Variants in ANKIB1 observed in about 807,000 individuals in gnomAD.
ANKIB1 encodes ankyrin repeat and IBR domain-containing protein 1.
Under a neutral mutation model 122.1 loss-of-function variants are expected in ANKIB1, and 43 were observed. That is an observed-to-expected ratio of 0.35 (90% CI 0.28 to 0.45). ANKIB1 has a LOEUF of 0.45. ANKIB1 is among the 20% of genes least tolerant of loss of function. ANKIB1 has a pLI of 1.00. For missense variants in ANKIB1, 992 were observed against 1,329.5 expected, an observed-to-expected ratio of 0.75 and a Z score of 3.95; for synonymous variants, 390 against 442.0, an observed-to-expected ratio of 0.88 and a Z score of 1.48.
intron 10 of ANKIB1, among the ~76,000 whole-genome samples, chr7:92,371,268 C>T (rs575466767): frequency 6.6e-6 from 1 of 151,730 alleles, no homozygotes; most frequent in South Asian, 2.1e-4. Flanking sequence ...AACCAGGTTT[C>T]ACGAATAGGT....
chr7:92,380,506 C>A (rs1354447632), intron 11 of ANKIB1, among the ~76,000 whole-genome samples: 2 of 152,184 alleles, frequency 1.3e-5, no homozygotes, highest in Non-Finnish European at 2.9e-5. Flanking sequence ...CCTCATACAG[C>A]CAGGTGCCCC....
intron 9 of ANKIB1, among the ~76,000 whole-genome samples, chr7:92,356,166 C>T (rs1173575794): frequency 6.6e-6 from 1 of 152,074 alleles, no homozygotes; most frequent in Non-Finnish European, 1.5e-5. Context: ...TTATTCAGAG[C>T]AGTAGTTGCA....
At chr7:92,290,899 G>A (rs1802231561) in intron 1 of ANKIB1, among the ~76,000 whole-genome samples, 1 of 152,150 alleles carries the variant, frequency 6.6e-6, no homozygotes, top group Admixed American at 6.5e-5. Context: ...AAGGGGAACT[G>A]GGGATGGTTG....
chr7:92,387,795 T>C lies in ANKIB1; in HGVS notation c.1753-3T>C. ...AAGTCATTTGTGGACTTTTGTTTTC[T>C]AGGCTGAGAAAAAACACAAACGATT... On this transcript the variant is annotated splice_region_variant and splice_polypyrimidine_tract_variant and intron_variant, in intron 12 of 19. Transcript: ENST00000265742. 1.9e-6 allele frequency: 3 copies of C among 1,606,114 alleles called. No homozygotes were observed. The highest frequency in any genetic ancestry group is 2.5e-6 in the Non-Finnish European group (3 of 1,177,788).
chr7:92,340,376 C>G (rs1370242903), intron 5 of ANKIB1, among the ~76,000 whole-genome samples: 3 of 152,042 alleles, frequency 2.0e-5, no homozygotes, highest in African/African-American at 7.2e-5. Flanking sequence ...CAAATCTAGA[C>G]AAATAGACCA....
At chr7:92,388,330 G>A (rs916237095) in intron 14 of ANKIB1, among the ~76,000 whole-genome samples, 2 of 152,190 alleles carry the variant, frequency 1.3e-5, no homozygotes, top group Non-Finnish European at 2.9e-5. Context: ...TACAATGTTG[G>A]GAAAAGTGGA....
chr7:92,333,493 A>G (rs1240737583), intron 5 of ANKIB1, among the ~76,000 whole-genome samples: 1 of 151,956 alleles, frequency 6.6e-6, no homozygotes, highest in African/African-American at 2.4e-5. Flanking sequence ...TGTCCACTCC[A>G]TGCCATTTCC....
At chr7:92,305,856 G>C (rs1328316587) in intron 2 of ANKIB1, among the ~76,000 whole-genome samples, 1 of 152,196 alleles carries the variant, frequency 6.6e-6, no homozygotes, top group Non-Finnish European at 1.5e-5. Context: ...GAGGACTGCA[G>C]AGAGATTTAC....
At chr7:92,264,537 A>G (rs1196721205) in intron 1 of ANKIB1, among the ~76,000 whole-genome samples, 2 of 151,892 alleles carry the variant, frequency 1.3e-5, no homozygotes, top group East Asian at 3.9e-4. Context: ...AGGTGGGACT[A>G]TAGGTGCGTG....
At chr7:92,353,605 G>A (rs1803711414) in intron 9 of ANKIB1, among the ~76,000 whole-genome samples, 1 of 152,192 alleles carries the variant, frequency 6.6e-6, no homozygotes, top group African/African-American at 2.4e-5. Context: ...ATAGTAGGAA[G>A]GTATAGTTAT....
At chr7:92,308,636 T>A (rs1034434482) in intron 3 of ANKIB1, among the ~76,000 whole-genome samples, 1 of 152,144 alleles carries the variant, frequency 6.6e-6, no homozygotes, top group Non-Finnish European at 1.5e-5. Flanking sequence ...ATAGCATTAT[T>A]TATATCTACA....
intron 1 of ANKIB1, among the ~76,000 whole-genome samples, chr7:92,291,123 G>A (rs1178749505): frequency 6.6e-6 from 1 of 152,010 alleles, no homozygotes; most frequent in East Asian, 1.9e-4. Flanking sequence ...GCGAAACCCC[G>A]TCTCTACTAA....
At chr7:92,369,181 C>A (rs17164519) in intron 10 of ANKIB1, among the ~76,000 whole-genome samples, 13,181 of 152,212 alleles carry the variant, frequency 0.087, 797 homozygotes, top group East Asian at 0.36. Context: ...CCTAAGTATA[C>A]TAAGTTCCTT....
intron 4 of ANKIB1, among the ~76,000 whole-genome samples, chr7:92,320,147 G>C (rs1023619573): frequency 6.6e-6 from 1 of 152,052 alleles, no homozygotes; most frequent in African/African-American, 2.4e-5. Context: ...TGCTTTGGTA[G>C]ATCCCATCTT....
intron 7 of ANKIB1, among the ~76,000 whole-genome samples, chr7:92,349,399 C>G (rs921509070): frequency 6.6e-6 from 1 of 152,100 alleles, no homozygotes; most frequent in Non-Finnish European, 1.5e-5. Flanking sequence ...GCAAAGGGAA[C>G]GGGCCTGCCA....
intron 1 of ANKIB1, among the ~76,000 whole-genome samples, chr7:92,261,248 C>T (rs1801556026): frequency 6.7e-6 from 1 of 149,772 alleles, no homozygotes; most frequent in African/African-American, 2.5e-5. Context: ...ACTCGGGAGG[C>T]TGAGGCAGGA....
At chr7:92,328,159 A>G (rs541946331) in intron 5 of ANKIB1, among the ~76,000 whole-genome samples, 1 of 152,340 alleles carries the variant, frequency 6.6e-6, no homozygotes, top group East Asian at 1.9e-4. Context: ...AAATTATAGA[A>G]TGTCTAATTT....
chr7:92,386,505 G>T lies in ANKIB1; in HGVS notation c.1618-4G>T. On this transcript the variant is annotated splice_polypyrimidine_tract_variant and splice_region_variant and intron_variant, in intron 11 of 19. Coordinates refer to ENST00000265742, the MANE Select transcript of ANKIB1 (RefSeq NM_019004.2). ...GATGTTTTCATCTGTGTTTTCTTTT[G>T]AAGTGCAAGTATGACTTTTGCTGGA... 6 of 1,583,752 alleles carry T rather than the reference G, an allele frequency of 3.8e-6. No homozygotes were observed. The highest frequency in any genetic ancestry group is 5.1e-6 in the Non-Finnish European group (6 of 1,168,240).
chr7:92,253,722 C>T (rs1801379098), intron 1 of ANKIB1, among the ~76,000 whole-genome samples: 1 of 151,512 alleles, frequency 6.6e-6, no homozygotes, highest in South Asian at 2.1e-4. Flanking sequence ...TAACAACTTA[C>T]ATAGTATTTC....
Sources: gnomAD v4.1 joint callset for allele counts (sites outside exome capture counted in the v4.1 genomes callset) on GRCh38, gnomAD v4.1.1 for gene constraint, MANE v1.5 for transcripts, NCBI Gene and HGNC (gene_info 2026-07-23, HGNC 2026-07-21) for gene names.